The following C8orf82 variants were observed in gnomAD, a reference collection of about 807,000 sequenced individuals.
C8orf82 encodes the protein chromosome 8 open reading frame 82, also known as UPF0598 protein C8orf82.
Under a neutral mutation model 15.0 loss-of-function variants are expected in C8orf82, and 24 were observed. The ratio of observed to expected loss-of-function variants is 1.60; its 90% CI spans 1.16 to 2.24. The LOEUF (loss-of-function observed/expected upper bound fraction) is 2.24, where lower values mean the gene tolerates loss of function less well. Among genes scored for constraint, C8orf82 ranks in the 30% most tolerant of loss-of-function variants. C8orf82 has a pLI of 0.00. For synonymous variants in C8orf82, 205 were observed against 152.2 expected, an observed-to-expected ratio of 1.35 and a Z score of -2.55; for missense variants, 388 against 317.4, an observed-to-expected ratio of 1.22 and a Z score of -1.69.
In C8orf82 at chr8:144,527,661, G is replaced by A; in HGVS notation, c.332C>T (p.Pro111Leu). 1 of 1,554,362 alleles carries A rather than the reference G, an allele frequency of 6.4e-7. No homozygotes were observed. Among genetic ancestry groups the A allele is most frequent in the Non-Finnish European group, 8.6e-7 (1 of 1,157,688 alleles). ...GGTCAGCAGGTGCGTGAAGACCACC[G>A]GCCGGTCCTCGCAGCGCAGGAAGTT... is the stretch of plus-strand genomic sequence containing the variant. ...ERNFLRCEDR[P>L]VVFTHLLTAD... Residue 111 changes from proline (P) to leucine (L), a missense_variant, in exon 3 of 3, where the codon CCG becomes CTG. Pro to Leu is a moderately conservative substitution (Grantham distance 98). Transcript: ENST00000524821.
chr8:144,527,293 G>A lies in C8orf82; in HGVS notation c.*49C>T, dbSNP rs935958869. ...CTTTCCGGGGCGTGGAGTCCCGGGGGAGCGGGGCGAGAGGCGCCCGCGGCC... is the reference window on the plus strand; with the variant it reads ...CTTTCCGGGGCGTGGAGTCCCGGGGAAGCGGGGCGAGAGGCGCCCGCGGCC... On this transcript the variant is annotated 3_prime_UTR_variant, in exon 3 of 3. Transcript: ENST00000524821. 3 of 1,128,942 alleles carry A rather than the reference G, an allele frequency of 2.7e-6. No homozygotes were observed. The highest frequency in any genetic ancestry group is 4.2e-5 in the South Asian group (1 of 24,096). 69.9% of individuals were successfully genotyped at this position (1,128,942 alleles called of 1,614,324 possible).
chr8:144,528,472 C>A, intron 1 of C8orf82: 1 of 1,465,886 alleles, frequency 6.8e-7, no homozygotes, highest in South Asian at 1.3e-5. Flanking sequence ...GGGCTGGGGA[C>A]TTGTAGGACA....
rs1461211839 is a variant in C8orf82 at position 144,527,438 on chromosome 8, G to A, written c.555C>T (p.Gly185=). 9 of 1,239,224 alleles carry A rather than the reference G, an allele frequency of 7.3e-6. No individual in the cohort carries two copies. The highest frequency in any genetic ancestry group is 9.1e-6 in the Non-Finnish European group (9 of 989,052). The allele number at this position is 1,239,224 out of a possible 1,614,324, so 76.8% of individuals were successfully genotyped here. ...GCACGTGCGAGGGCAGCGCAGGCGC[G>A]CCGGGCCCGTACTCGAAGCAGGCGC... ...ELSACFEYGP[G]APALPSHVRW... is the part of the protein sequence containing the mutation. The change falls in exon 3 of 3, where the codon GGC becomes GGT. Residue 185 remains glycine, a synonymous_variant. Transcript: ENST00000524821.
At chr8:144,528,400 G>C (rs1372774983) in intron 1 of C8orf82, 2 of 1,492,822 alleles carry the variant, frequency 1.3e-6, no homozygotes, top group South Asian at 2.4e-5. Context: ...TTTTGACAGG[G>C]CTTCCAAAAA....
At chr8:144,528,097 A>T (rs752362129) in intron 1 of C8orf82, 25 bp from the exon 2 acceptor site, 1 of 1,611,784 alleles carries the variant, frequency 6.2e-7, no homozygotes, top group Non-Finnish European at 8.5e-7. Flanking sequence ...CCAGGCCGTG[A>T]TAAGTCCCAG....
intron 1 of C8orf82, 172 bp from the exon 2 acceptor site, chr8:144,528,244 C>A (rs1466335507): frequency 1.3e-6 from 2 of 1,487,582 alleles, no homozygotes; most frequent in Non-Finnish European, 1.8e-6. Context: ...GGGGCCCCGC[C>A]GACTTATCCG....
chr8:144,528,246 A>C (rs754252448), intron 1 of C8orf82, 174 bp from the exon 2 acceptor site: 20 of 1,488,566 alleles, frequency 1.3e-5, no homozygotes, highest in Admixed American at 4.4e-5. Flanking sequence ...GGCCCCGCCG[A>C]CTTATCCGCG....
chr8:144,528,458 G>A, intron 1 of C8orf82: 1 of 1,475,242 alleles, frequency 6.8e-7, no homozygotes, highest in Non-Finnish European at 9.0e-7. Flanking sequence ...AGAAGTCAGC[G>A]CCGGGGCTGG....
rs1465028423 is a variant in C8orf82 at position 144,527,500 on chromosome 8, C to T, written c.493G>A (p.Val165Met). The T allele has an allele frequency of 1.6e-6, 2 of 1,281,372 alleles. No homozygotes were observed. Among genetic ancestry groups the T allele is most frequent in the Non-Finnish European group, 9.9e-7 (1 of 1,014,466 alleles). 79.4% of individuals were successfully genotyped at this position (1,281,372 alleles called of 1,614,324 possible). A position where few individuals can be genotyped will look rare whatever the true frequency, so the allele number is the denominator to read the frequency against. Reference protein sequence around the residue: ...YHPAPERAGGVGLVRSALAFE... With the variant: ...YHPAPERAGGMGLVRSALAFE... ...GCCAGGGCGGAGCGCACCAGGCCCA[C>T]GCCGCCCGCACGCTCCGGCGCCGGG... The change falls in exon 3 of 3, where the codon GTG becomes ATG. Residue 165 changes from valine (V) to methionine (M), a missense_variant. Val to Met is a conservative substitution (Grantham distance 21, BLOSUM62 1). Transcript: ENST00000524821.
chr8:144,527,230 C>G lies in C8orf82; in HGVS notation c.*112G>C. 1.4e-6 allele frequency: 1 copy of G among 719,848 alleles called. No individual in the cohort carries two copies. The highest frequency in any genetic ancestry group is 1.8e-6 in the Non-Finnish European group (1 of 551,650). 44.6% of individuals were successfully genotyped at this position (719,848 alleles called of 1,614,324 possible). A position where few individuals can be genotyped will look rare whatever the true frequency, so the allele number is the denominator to read the frequency against. On this transcript the variant is annotated 3_prime_UTR_variant, in exon 3 of 3. Coordinates refer to ENST00000524821, the MANE Select transcript of C8orf82 (RefSeq NM_001001795.2). The stretch of plus-strand genomic sequence containing the variant: ...CCGGGTGGGGGCGGGGCCGAGCGCG[C>G]AGGCGCACTAGGCTGCCGCGAGCGC...
rs937467464 is a variant in C8orf82 at position 144,527,091 on chromosome 8, A to G, written c.*251T>C. 2.2e-5 allele frequency: 4 copies of G among 179,808 alleles called. No individual in the cohort carries two copies. Among genetic ancestry groups the G allele is most frequent in the African/African-American group, 2.4e-5 (1 of 41,916 alleles). 11.1% of individuals were successfully genotyped at this position (179,808 alleles called of 1,614,324 possible). ...GCCCCGCGCCCGCCGCCAGTGCCTG[A>G]CGTCTCGAGCGCAGGCCAATCCGGA... On this transcript the variant is annotated 3_prime_UTR_variant, in exon 3 of 3. Transcript: ENST00000524821.
At position 144,528,807 on chromosome 8, in the gene C8orf82, T is replaced by C; in HGVS notation, c.110A>G (p.Glu37Gly). 3.4e-6 allele frequency: 5 copies of C among 1,481,548 alleles called. No individual in the cohort carries two copies. The highest frequency in any genetic ancestry group is 1.3e-5 in the South Asian group (1 of 75,982). 91.8% of individuals were successfully genotyped at this position (1,481,548 alleles called of 1,614,324 possible). A position where few individuals can be genotyped will look rare whatever the true frequency, so the allele number is the denominator to read the frequency against. The change falls in exon 1 of 3, where the codon GAG (glutamate) becomes GGG (glycine). Residue 37 changes from glutamate (E) to glycine (G), a missense_variant. Coordinates refer to ENST00000524821, the MANE Select transcript of C8orf82 (RefSeq NM_001001795.2). ...GVSYTQGQSP[E>G]PRTREYFYYV... ...GTAGAAATACTCGCGGGTCCGCGGCTCCGGACTCTGGCCCTGCGTGTAGGA... is the reference window on the plus strand; with the variant it reads ...GTAGAAATACTCGCGGGTCCGCGGCCCCGGACTCTGGCCCTGCGTGTAGGA...
chr8:144,528,514 C>A, intron 1 of C8orf82: 4 of 1,412,008 alleles, frequency 2.8e-6, no homozygotes, highest in African/African-American at 1.4e-5. Context: ...AGCAGGGACG[C>A]GGCCCATGTA....
rs764721650 is a variant in C8orf82 at position 144,527,760 on chromosome 8, GAGA to G, written c.230_232del (p.Phe77del). ...CCCGCTGCGGTTGGGTCTCAGGCGG[GAGA>G]AGAAGGTGACCAGGAACTGCGGGTC... On this transcript the variant is annotated inframe_deletion, in exon 3 of 3. Coordinates refer to ENST00000524821, the MANE Select transcript of C8orf82 (RefSeq NM_001001795.2). 39 of 1,594,850 alleles carry G rather than the reference GAGA, an allele frequency of 2.4e-5. No individual in the cohort carries two copies. The highest frequency in any genetic ancestry group is 1.3e-4 in the African/African-American group (10 of 74,988).
At chr8:144,527,920 C>G in intron 2 of C8orf82, 104 bp downstream of exon 2, 2 of 1,489,190 alleles carry the variant, frequency 1.3e-6, no homozygotes, top group Non-Finnish European at 1.9e-6. Context: ...GAGCGCAGGA[C>G]GCCCACTCCT....
intron 1 of C8orf82, chr8:144,528,405 C>CA: frequency 3.4e-6 from 5 of 1,490,852 alleles, no homozygotes; most frequent in East Asian, 2.7e-5. Context: ...ACAGGGCTTC[C>CA]AAAAAAAGGC....
At position 144,528,760 on chromosome 8, in the gene C8orf82, C is replaced by G; in HGVS notation, c.156+1G>C. The G allele has an allele frequency of 1.4e-6, 2 of 1,400,936 alleles. No individual in the cohort carries two copies. Among genetic ancestry groups the G allele is most frequent in the Non-Finnish European group, 1.9e-6 (2 of 1,074,534 alleles). The allele number at this position is 1,400,936 out of a possible 1,614,324, so 86.8% of individuals were successfully genotyped here. ...CGAGCAACGGCCCTGCCCCCGCCCA[C>G]CTGGCCCTGGTGGTCCACGTAGTAG... On this transcript the variant is annotated splice_donor_variant, in intron 1 of 2. Coordinates refer to ENST00000524821, the MANE Select transcript of C8orf82 (RefSeq NM_001001795.2). LOFTEE classifies it high-confidence loss of function.
At chr8:144,527,969 CAGGGGCTGCCCGGAAGGGAGAAAGA>C (rs1816440705) in intron 2 of C8orf82, 30 bp downstream of exon 2, 1 of 1,584,252 alleles carries the variant, frequency 6.3e-7, no homozygotes, top group African/African-American at 1.3e-5. Flanking sequence ...GGGAGCCCAT[CAGGGGCTGCCCGGAAGGGAGAAAGA>C]AGGGGCTGGA....
intron 1 of C8orf82, chr8:144,528,450 A>C: frequency 6.8e-7 from 1 of 1,477,418 alleles, no homozygotes; most frequent in Non-Finnish European, 9.0e-7. Flanking sequence ...CAGCGGCGAG[A>C]AGTCAGCGCC....
Sources: allele counts gnomAD v4.1 joint callset, GRCh38; gene constraint gnomAD v4.1.1; transcripts MANE v1.5; gene names NCBI Gene and HGNC (gene_info 2026-07-23, HGNC 2026-07-21).